GLYATL1: variants seen among roughly 807,000 people sequenced by gnomAD.
GLYATL1 encodes the protein glycine-N-acyltransferase like 1, also known as glycine N-acyltransferase-like protein 1.
A neutral mutation model predicts 20.0 loss-of-function variants in GLYATL1; 15 were observed. The ratio of observed to expected loss-of-function variants is 0.75; its 90% CI spans 0.50 to 1.15. The LOEUF is 1.15. Among genes scored for constraint, GLYATL1 ranks in the 50% most tolerant of loss-of-function variants. GLYATL1 has a pLI of 0.00. For missense variants in GLYATL1, 380 were observed against 368.5 expected, an observed-to-expected ratio of 1.03 and a Z score of -0.26; for synonymous variants, 151 against 131.5, an observed-to-expected ratio of 1.15 and a Z score of -1.01.
upstream of GLYATL1, chr11:58,935,359 T>A (rs1245419428): frequency 6.6e-6 from 1 of 152,198 alleles, no homozygotes; most frequent in Non-Finnish European, 1.5e-5. Flanking sequence ...ACTTCACTTT[T>A]CTTCTTCGAC....
chr11:58,941,866 A>G (rs1180305387), intron 1 of GLYATL1, among the ~76,000 whole-genome samples: 4 of 152,190 alleles, frequency 2.6e-5, no homozygotes, highest in Admixed American at 2.6e-4. Flanking sequence ...AGTTGCACAA[A>G]GACATGACAA....
upstream of GLYATL1, among the ~76,000 whole-genome samples, chr11:58,939,255 T>C (rs2135165523): frequency 2.6e-5 from 4 of 152,290 alleles, no homozygotes; most frequent in Admixed American, 2.6e-4. Flanking sequence ...GTTCCTGTTT[T>C]TCTACACATT....
At chr11:58,943,815 G>A in intron 2 of GLYATL1, 149 bp downstream of exon 2, 1 of 1,240,932 alleles carries the variant, frequency 8.1e-7, no homozygotes, top group Non-Finnish European at 1.1e-6. Flanking sequence ...GGAATTAACT[G>A]GCCTGGATCC....
At chr11:58,908,881 T>G (rs538009781), downstream of GLYATL1, among the ~76,000 whole-genome samples, 1 of 152,322 alleles carries the variant, frequency 6.6e-6, no homozygotes, top group Non-Finnish European at 1.5e-5. Flanking sequence ...TCATTTGAAT[T>G]ATCTCATTTA....
At chr11:58,920,723 G>A (rs1052129199) in intron 1 of GLYATL1, among the ~76,000 whole-genome samples, 1 of 152,134 alleles carries the variant, frequency 6.6e-6, no homozygotes, top group Admixed American at 6.5e-5. Flanking sequence ...CCTTGGTATC[G>A]AGTCATTTTT....
chr11:58,920,606 C>T (rs527577922), intron 1 of GLYATL1, among the ~76,000 whole-genome samples: 1 of 152,312 alleles, frequency 6.6e-6, no homozygotes, highest in South Asian at 2.1e-4. Context: ...ACCATATCCA[C>T]ACAGGACTAA....
upstream of GLYATL1, among the ~76,000 whole-genome samples, chr11:58,938,126 A>T (rs1311387223): frequency 6.6e-6 from 1 of 152,258 alleles, no homozygotes; most frequent in Non-Finnish European, 1.5e-5. Context: ...TTATTGTTCT[A>T]CTTACAAGAT....
chr11:58,932,630 A>G (rs1855653415), intron 1 of GLYATL1, among the ~76,000 whole-genome samples: 1 of 152,258 alleles, frequency 6.6e-6, no homozygotes, highest in Non-Finnish European at 1.5e-5. Context: ...AATTCTCTCT[A>G]ACTGTAAAAG....
At chr11:58,942,961 A>T (rs1296093067) in intron 1 of GLYATL1, among the ~76,000 whole-genome samples, 8 of 152,180 alleles carry the variant, frequency 5.3e-5, no homozygotes, top group Admixed American at 5.2e-4. Context: ...GCAATAATTG[A>T]CCACTGGATT....
At chr11:58,940,174 G>T (rs1454746798) in intron 1 of GLYATL1, among the ~76,000 whole-genome samples, 1 of 152,188 alleles carries the variant, frequency 6.6e-6, no homozygotes, top group Non-Finnish European at 1.5e-5. Flanking sequence ...TGCTGCTGCT[G>T]TTGGGCCAAG....
chr11:58,927,845 C>T (rs1300461752), intron 1 of GLYATL1: 2 of 152,160 alleles, frequency 1.3e-5, no homozygotes, highest in Non-Finnish European at 2.9e-5. Context: ...ACCTCCTTTT[C>T]CTCTCTGTTA....
chr11:58,924,696 A>AATT (rs1855386624), upstream of GLYATL1, among the ~76,000 whole-genome samples: 1 of 152,180 alleles, frequency 6.6e-6, no homozygotes, highest in Non-Finnish European at 1.5e-5. Flanking sequence ...CAAATAATAC[A>AATT]AGACAATTAT....
downstream of GLYATL1, among the ~76,000 whole-genome samples, chr11:58,911,234 A>G (rs1271620999): frequency 3.3e-5 from 5 of 152,222 alleles, no homozygotes; most frequent in African/African-American, 1.2e-4. Flanking sequence ...TCACTGAAGA[A>G]CATTTGAATT....
At chr11:58,938,695 A>G (rs1855947374), upstream of GLYATL1, among the ~76,000 whole-genome samples, 1 of 152,170 alleles carries the variant, frequency 6.6e-6, no homozygotes, top group African/African-American at 2.4e-5. Context: ...CTGGAGTCCT[A>G]GAGAGTAACC....
intron 1 of GLYATL1, among the ~76,000 whole-genome samples, chr11:58,918,028 A>G (rs1056289082): frequency 1.3e-5 from 2 of 152,170 alleles, no homozygotes; most frequent in Non-Finnish European, 2.9e-5. Context: ...ATGGAATTTA[A>G]TAGAAAGCTT....
downstream of GLYATL1, chr11:58,908,632 G>A (rs955470804): frequency 6.5e-6 from 1 of 153,824 alleles, no homozygotes; most frequent in Admixed American, 6.5e-5. Flanking sequence ...AATTCCTAAA[G>A]AATAATAGTT....
upstream of GLYATL1, among the ~76,000 whole-genome samples, chr11:58,937,599 C>A (rs893641087): frequency 2.6e-5 from 4 of 152,118 alleles, no homozygotes; most frequent in Non-Finnish European, 4.4e-5. Context: ...TAGAGTGATT[C>A]TTTGACTGTT....
upstream of GLYATL1, among the ~76,000 whole-genome samples, chr11:58,936,528 C>T (rs1169428202): frequency 1.3e-5 from 2 of 152,180 alleles, no homozygotes; most frequent in Non-Finnish European, 2.9e-5. Context: ...AGGAAGAAGG[C>T]AGGTGTCTTT....
downstream of GLYATL1, among the ~76,000 whole-genome samples, chr11:58,913,331 G>A (rs1375948531): frequency 6.6e-6 from 1 of 152,112 alleles, no homozygotes; most frequent in Non-Finnish European, 1.5e-5. Flanking sequence ...TGAGAGGTGT[G>A]AAGGAAATGA....
Sources: gnomAD v4.1 joint callset for allele counts (sites outside exome capture counted in the v4.1 genomes callset) on GRCh38, gnomAD v4.1.1 for gene constraint, MANE v1.5 for transcripts, NCBI Gene and HGNC (gene_info 2026-07-23, HGNC 2026-07-21) for gene names.